Variants in DOCK7 observed in about 807,000 individuals in gnomAD.
DOCK7 encodes the protein dedicator of cytokinesis 7.
Under a neutral mutation model 271.0 loss-of-function variants are expected in DOCK7, and 138 were observed. That is an observed-to-expected ratio of 0.51 (90% CI 0.44 to 0.59). DOCK7 has a LOEUF of 0.59. DOCK7 is among the 20% of genes least tolerant of loss of function. The pLI, the probability that DOCK7 is intolerant of heterozygous loss-of-function variation, is 0.00. For synonymous variants in DOCK7, 823 were observed against 876.1 expected (o/e 0.94, Z 1.07); for missense variants, 2,066 against 2,592.4 (o/e 0.80, Z 4.41).
intron 48 of DOCK7, among the ~76,000 whole-genome samples, chr1:62,464,040 T>C (rs1645604770): frequency 6.6e-6 from 1 of 152,188 alleles, no homozygotes; most frequent in African/African-American, 2.4e-5. Flanking sequence ...GAAAAGTGCT[T>C]ACTGTTTTTA....
chr1:62,658,571 A>C (rs1227484609), intron 2 of DOCK7, among the ~76,000 whole-genome samples: 2 of 152,226 alleles, frequency 1.3e-5, no homozygotes, highest in Non-Finnish European at 2.9e-5. Context: ...CATGGCAGTC[A>C]AAAGAAAGTG....
chr1:62,632,779 C>T (rs935391042), intron 10 of DOCK7, among the ~76,000 whole-genome samples: 3 of 152,006 alleles, frequency 2.0e-5, no homozygotes, highest in Non-Finnish European at 4.4e-5. Context: ...GAGTTCAAGA[C>T]CAGCCTGACC....
At chr1:62,566,627 T>C (rs189845293) in intron 18 of DOCK7, among the ~76,000 whole-genome samples, 10 of 152,272 alleles carry the variant, frequency 6.6e-5, no homozygotes, top group Non-Finnish European at 1.0e-4. Flanking sequence ...ATTCAGGACA[T>C]AGGCATGAGC....
chr1:62,561,578 T>C, intron 19 of DOCK7, 39 bp downstream of exon 19: 1 of 1,312,938 alleles, frequency 7.6e-7, no homozygotes, highest in Non-Finnish European at 1.0e-6. Context: ...GTTCAATTTA[T>C]TTAAGTGAAA....
intron 14 of DOCK7, among the ~76,000 whole-genome samples, chr1:62,596,204 T>C (rs1649221838): frequency 6.6e-6 from 1 of 152,148 alleles, no homozygotes; most frequent in South Asian, 2.1e-4. Context: ...CATAACACTA[T>C]GAATTATGTA....
chr1:62,529,198 T>C, intron 30 of DOCK7, 79 bp downstream of exon 30: 2 of 1,333,866 alleles, frequency 1.5e-6, no homozygotes, highest in Non-Finnish European at 2.0e-6. Context: ...TAAAATAAGA[T>C]CTTCATCCTT....
chr1:62,526,417 A>G (rs975310610), intron 31 of DOCK7, among the ~76,000 whole-genome samples: 2 of 152,184 alleles, frequency 1.3e-5, no homozygotes, highest in African/African-American at 4.8e-5. Context: ...ACAGATAATA[A>G]CAAGTGTTGA....
At chr1:62,521,801 C>T (rs1416370329) in intron 31 of DOCK7, among the ~76,000 whole-genome samples, 3 of 151,944 alleles carry the variant, frequency 2.0e-5, no homozygotes, top group African/African-American at 7.3e-5. Flanking sequence ...CGTAGTGAAA[C>T]CCTGTCTCTA....
intron 30 of DOCK7, 60 bp from the exon 31 acceptor site, chr1:62,528,365 C>A: frequency 7.2e-7 from 1 of 1,396,990 alleles, no homozygotes; most frequent in Non-Finnish European, 9.7e-7. Flanking sequence ...ATTCCCTTTC[C>A]TATTCTCCAC....
At position 62,633,473 on chromosome 1, in the gene DOCK7, G is replaced by A. The variant is rs186540262; in HGVS notation, c.1116+25C>T. 1,146 of 1,540,352 alleles carry A rather than the reference G, an allele frequency of 7.4e-4. 5 individuals carry two copies. The highest frequency in any genetic ancestry group is 5.7e-4 in the East Asian group (25 of 44,178). On this transcript the variant is annotated intron_variant, in intron 10 of 49. Coordinates refer to ENST00000635253, the MANE Select transcript of DOCK7 (RefSeq NM_001367561.1). ...CAAGTTACAATAGTAATAATGTGGC[G>A]GAAATGAGAAGCATAACATTCTACC...
At chr1:62,456,272 A>T (rs1368951693) in intron 49 of DOCK7, among the ~76,000 whole-genome samples, 2 of 152,236 alleles carry the variant, frequency 1.3e-5, no homozygotes, top group South Asian at 2.1e-4. Context: ...GATTTCATAA[A>T]CCAGCAAAAT....
chr1:62,621,356 TTTC>T (rs1416464011), intron 12 of DOCK7, among the ~76,000 whole-genome samples: 1 of 152,248 alleles, frequency 6.6e-6, no homozygotes, highest in Non-Finnish European at 1.5e-5. Flanking sequence ...GTTAATATTT[TTTC>T]TTCTTACAAT....
intron 1 of DOCK7, among the ~76,000 whole-genome samples, chr1:62,676,204 G>A (rs1041727670): frequency 2.4e-4 from 36 of 152,154 alleles, no homozygotes; most frequent in Admixed American, 2.4e-3. Flanking sequence ...AGCCATAAAA[G>A]GAGTGAAGTA....
intron 14 of DOCK7, chr1:62,608,497 C>G (rs948020126): frequency 3.9e-5 from 6 of 152,170 alleles, no homozygotes; most frequent in Non-Finnish European, 8.8e-5. Flanking sequence ...TAAATGGCAG[C>G]TTGTTCATCT....
At chr1:62,584,439 T>C in intron 15 of DOCK7, 1 of 1,007,002 alleles carries the variant, frequency 9.9e-7, no homozygotes, top group Non-Finnish European at 1.2e-6. Context: ...AGTATGTCTA[T>C]GTTTATATAC....
At chr1:62,538,998 T>A (rs1004691178) in intron 27 of DOCK7, among the ~76,000 whole-genome samples, 1 of 152,212 alleles carries the variant, frequency 6.6e-6, no homozygotes, top group Admixed American at 6.5e-5. Context: ...CAGACTTCAC[T>A]AATCAGTTGA....
At chr1:62,466,171 A>G (rs1350028438) in intron 48 of DOCK7, among the ~76,000 whole-genome samples, 1 of 152,164 alleles carries the variant, frequency 6.6e-6, no homozygotes, top group Non-Finnish European at 1.5e-5. Flanking sequence ...AAGAAGGGGA[A>G]TATTTGCCTG....
rs1476927102 is a variant in DOCK7 at position 62,507,998 on chromosome 1, G to A, written c.4440C>T (p.Asn1480=). 2 of 1,612,908 alleles carry A rather than the reference G, an allele frequency of 1.2e-6. No homozygotes were observed. The highest frequency in any genetic ancestry group is 1.7e-6 in the Non-Finnish European group (2 of 1,179,720). The change falls in exon 35 of 50, where the codon AAC becomes AAT. Residue 1480 remains asparagine, a synonymous_variant. Transcript: ENST00000635253. ...LIDGNLATEA[N]LIILDTLEIV... Reference sequence around the variant, plus strand: ...TCTCTAATGTATCTAAAATGATTAGGTTTGCTTCTGTAGCCAGGTTTCCAT... The same window carrying A: ...TCTCTAATGTATCTAAAATGATTAGATTTGCTTCTGTAGCCAGGTTTCCAT...
intron 38 of DOCK7, 92 bp downstream of exon 38, chr1:62,496,247 C>T (rs772002645): frequency 6.2e-6 from 9 of 1,457,162 alleles, no homozygotes; most frequent in Non-Finnish European, 8.5e-6. Flanking sequence ...AAATGATCCT[C>T]CAGCAAAAAT....
Sources: allele counts gnomAD v4.1 joint callset (sites outside exome capture counted in the v4.1 genomes callset), GRCh38; gene constraint gnomAD v4.1.1; transcripts MANE v1.5; gene names NCBI Gene and HGNC (gene_info 2026-07-23, HGNC 2026-07-21).